The following DENND4C variants were observed in gnomAD, a reference collection of about 807,000 sequenced individuals.
DENND4C encodes DENN domain-containing protein 4C.
A neutral mutation model predicts 203.0 loss-of-function variants in DENND4C; 108 were observed. The observed-to-expected ratio is 0.53, with a 90% CI of 0.46 to 0.62. The LOEUF is 0.62. DENND4C is among the 20% of genes least tolerant of loss of function. DENND4C has a pLI of 0.00. For missense variants in DENND4C, 2,481 were observed against 2,301.2 expected (o/e 1.08, Z -1.60); for synonymous variants, 871 against 792.4 (o/e 1.10, Z -1.67).
At position 19,324,488 on chromosome 9, in the gene DENND4C, T is replaced by C; in HGVS notation, c.1934T>C (p.Phe645Ser). The change falls in exon 13 of 33, where the codon TTT (phenylalanine) becomes TCT (serine). Residue 645 changes from phenylalanine to serine, a missense_variant. Phe to Ser is a radical substitution (Grantham distance 155, BLOSUM62 -2). Coordinates refer to ENST00000434457, the MANE Select transcript of DENND4C (RefSeq NM_001330640.2). Reference sequence around the variant, plus strand: ...GATAAAGATACTGGATTAGCATTTTTTGATGACTGCATAGAAAAGGTAAAA... The same window carrying C: ...GATAAAGATACTGGATTAGCATTTTCTGATGACTGCATAGAAAAGGTAAAA... ...VSDKDTGLAF[F>S]DDCIEKLFPD... 6.2e-7 allele frequency: 1 copy of C among 1,606,916 alleles called. No homozygotes were observed. Among genetic ancestry groups the C allele is most frequent in the Non-Finnish European group, 8.5e-7 (1 of 1,178,498 alleles).
intron 12 of DENND4C, among the ~76,000 whole-genome samples, chr9:19,319,359 T>TAC (rs1563799088): frequency 2.9e-5 from 4 of 139,638 alleles, no homozygotes; most frequent in East Asian, 4.1e-4. Context: ...TACTTATATA[T>TAC]ACACACATAT....
At chr9:19,331,403 A>G (rs971749277) in intron 16 of DENND4C, among the ~76,000 whole-genome samples, 1 of 151,998 alleles carries the variant, frequency 6.6e-6, no homozygotes, top group Non-Finnish European at 1.5e-5. Context: ...GGGTTTCACC[A>G]TGTTGGCCAG....
At chr9:19,234,832 T>A (rs4977291) in intron 1 of DENND4C, among the ~76,000 whole-genome samples, 1 of 151,824 alleles carries the variant, frequency 6.6e-6, no homozygotes, top group Non-Finnish European at 1.5e-5. Context: ...GTGAGCCACT[T>A]TGTCTGACCC....
Position 19,358,282 on chromosome 9 carries a change from TA to T in DENND4C, c.5160+125del. 1 of 790,718 alleles carries T rather than the reference TA, an allele frequency of 1.3e-6. No individual in the cohort carries two copies. The highest frequency in any genetic ancestry group is 1.8e-6 in the Non-Finnish European group (1 of 546,830). 49.0% of individuals were successfully genotyped at this position (790,718 alleles called of 1,614,324 possible). On this transcript the variant is annotated intron_variant, in intron 28 of 32. Transcript: ENST00000434457. The surrounding 1 kb of genome is among the most constrained non-coding windows in gnomAD (Gnocchi z 4.8). ...CATGAAAAGTGATAGAGTTTTTCCA[TA>T]AACAAATAACTTTTTATTGTGGAGA...
chr9:19,351,050 A>C (rs1014404885), intron 24 of DENND4C, among the ~76,000 whole-genome samples, 171 bp downstream of exon 24: 1 of 152,080 alleles, frequency 6.6e-6, no homozygotes, highest in Non-Finnish European at 1.5e-5. Flanking sequence ...AGCGTGAGCC[A>C]CAGCGCCTGG....
chr9:19,369,860 C>T lies in DENND4C; in HGVS notation c.5548C>T (p.Leu1850=). ...NFNSEKKSSL[L]SEEQQETSTL... ...AGATTCTGAAAAGAAATCATCTCTC[C>T]TGTCAGAGGAACAACAAGAAACAAG... is the stretch of plus-strand genomic sequence containing the variant. Residue 1850 remains leucine, a synonymous_variant, in exon 31 of 33, where the codon CTG becomes TTG. Transcript: ENST00000434457. 1.2e-6 allele frequency: 2 copies of T among 1,606,432 alleles called. No individual in the cohort carries two copies. Among genetic ancestry groups the T allele is most frequent in the South Asian group, 1.1e-5 (1 of 88,824 alleles).
chr9:19,362,973 C>T (rs1826817254), intron 30 of DENND4C, among the ~76,000 whole-genome samples: 1 of 152,094 alleles, frequency 6.6e-6, no homozygotes, highest in Non-Finnish European at 1.5e-5. Flanking sequence ...GCTAGGGCTG[C>T]CATAATAAAA....
At chr9:19,245,032 C>T (rs1247464831) in intron 1 of DENND4C, among the ~76,000 whole-genome samples, 1 of 152,200 alleles carries the variant, frequency 6.6e-6, no homozygotes, top group Non-Finnish European at 1.5e-5. Flanking sequence ...TTCTAACCTA[C>T]CTTAGCTGTC....
At chr9:19,263,048 A>C (rs1425178469) in intron 1 of DENND4C, among the ~76,000 whole-genome samples, 1 of 152,170 alleles carries the variant, frequency 6.6e-6, no homozygotes, top group Non-Finnish European at 1.5e-5. Flanking sequence ...ATAATACTAA[A>C]TGGGGAAAAC....
intron 15 of DENND4C, among the ~76,000 whole-genome samples, chr9:19,327,430 TATA>T (rs1818054963): frequency 1.3e-5 from 2 of 152,118 alleles, no homozygotes; most frequent in African/African-American, 4.8e-5. Flanking sequence ...TGATATTAAT[TATA>T]ATAATTTTAA....
chr9:19,314,120 G>T (rs1044000322), intron 10 of DENND4C, among the ~76,000 whole-genome samples: 1 of 151,744 alleles, frequency 6.6e-6, no homozygotes, highest in Non-Finnish European at 1.5e-5. Context: ...ATGGACTTTG[G>T]GGACTTGGGG....
chr9:19,332,519 T>G lies in DENND4C; in HGVS notation c.2460+335T>G, dbSNP rs1003869908. The stretch of plus-strand genomic sequence containing the variant: ...GCACATGTTACCATACCTGGCTAAT[T>G]TTTTTTTTTTTTTTTTTGTATTTTT... On this transcript the variant is annotated intron_variant, in intron 17 of 32. Transcript: ENST00000434457. Among the ~76,000 whole-genome samples, 3 of 30,772 alleles carry G rather than the reference T, an allele frequency of 9.7e-5. No individual in the cohort carries two copies. In the East Asian group the frequency reaches 1.9e-3, roughly 19 times the overall value. 20.2% of individuals were successfully genotyped at this position (30,772 alleles called of 152,430 possible). A position where few individuals can be genotyped will look rare whatever the true frequency, so the allele number is the denominator to read the frequency against.
At chr9:19,304,714 T>C (rs1243352087) in intron 9 of DENND4C, among the ~76,000 whole-genome samples, 2 of 132,022 alleles carry the variant, frequency 1.5e-5, no homozygotes, top group African/African-American at 2.9e-5. Flanking sequence ...TTTTTTGTAC[T>C]TTTTTTTTTT....
chr9:19,281,288 A>G (rs916243844), intron 2 of DENND4C, among the ~76,000 whole-genome samples: 1 of 152,162 alleles, frequency 6.6e-6, no homozygotes, highest in African/African-American at 2.4e-5. Flanking sequence ...GCTAGAGTGT[A>G]TGGTTGTCCT....
chr9:19,258,683 T>C (rs1231655091), intron 1 of DENND4C, among the ~76,000 whole-genome samples: 1 of 152,090 alleles, frequency 6.6e-6, no homozygotes, highest in Admixed American at 6.6e-5. Context: ...AAAGACAGAT[T>C]CTTGCTCTGT....
chr9:19,321,666 G>A (rs1842899259), intron 12 of DENND4C, among the ~76,000 whole-genome samples: 1 of 151,734 alleles, frequency 6.6e-6, no homozygotes, highest in South Asian at 2.1e-4. Flanking sequence ...CAAACATGGC[G>A]AAACCCTGTC....
intron 20 of DENND4C, among the ~76,000 whole-genome samples, chr9:19,339,569 A>C (rs968524334): frequency 1.3e-5 from 2 of 152,108 alleles, no homozygotes; most frequent in African/African-American, 4.8e-5. Context: ...TTCATCGGTG[A>C]TATTAATTTG....
chr9:19,266,902 AGGACATAGGTAT>A (rs1485136726), intron 1 of DENND4C, among the ~76,000 whole-genome samples: 3 of 152,228 alleles, frequency 2.0e-5, no homozygotes, highest in Admixed American at 2.0e-4. Flanking sequence ...AGTACCATTC[AGGACATAGGTAT>A]GGGCAAGGAC....
At chr9:19,327,547 G>T (rs1818082194) in intron 15 of DENND4C, among the ~76,000 whole-genome samples, 1 of 151,900 alleles carries the variant, frequency 6.6e-6, no homozygotes. Flanking sequence ...ATATTTAATT[G>T]GAGAAATATA....
Sources: allele counts gnomAD v4.1 joint callset (sites outside exome capture counted in the v4.1 genomes callset), GRCh38; gene constraint gnomAD v4.1.1; non-coding constraint Gnocchi (gnomAD v3.1); transcripts MANE v1.5; gene names NCBI Gene and HGNC (gene_info 2026-07-23, HGNC 2026-07-21).